Variants in MTFMT observed in about 807,000 individuals in gnomAD.
MTFMT encodes the protein methionyl-tRNA formyltransferase, mitochondrial.
MTFMT carries 47 observed loss-of-function variants against 51.8 expected under a neutral mutation model. That is an observed-to-expected ratio of 0.91 (90% CI 0.72 to 1.16). MTFMT has a LOEUF of 1.16. Ranked by LOEUF, MTFMT falls within the 50% of genes most tolerant of loss-of-function variation. The pLI, the probability that MTFMT is intolerant of heterozygous loss-of-function variation, is 0.00. For missense variants in MTFMT, 512 were observed against 482.3 expected, an observed-to-expected ratio of 1.06 and a Z score of -0.58; for synonymous variants, 196 against 176.7, an observed-to-expected ratio of 1.11 and a Z score of -0.87.
chr15:65,028,174 C>G (rs563391276), intron 1 of MTFMT, among the ~76,000 whole-genome samples: 83 of 152,226 alleles, frequency 5.5e-4, no homozygotes, highest in Non-Finnish European at 1.1e-3. Flanking sequence ...AATCTCAGCA[C>G]TTTGGGAGGC....
chr15:65,029,385 C>T lies in MTFMT; in HGVS notation c.209+20G>A. The T allele has an allele frequency of 6.9e-7, 1 of 1,455,264 alleles. No individual in the cohort carries two copies. The highest frequency in any genetic ancestry group is 9.1e-7 in the Non-Finnish European group (1 of 1,103,384). 90.1% of individuals were successfully genotyped at this position (1,455,264 alleles called of 1,614,324 possible). A position where few individuals can be genotyped will look rare whatever the true frequency, so the allele number is the denominator to read the frequency against. On this transcript the variant is annotated intron_variant, in intron 1 of 8. Transcript: ENST00000220058. ...TGGAGGCCTTCAGCGGCCGGGTCCC[C>T]GGATCCCTGGCCCGGGTACCTGGCG... is the stretch of plus-strand genomic sequence containing the variant.
chr15:65,020,046 A>G (rs994014512), intron 5 of MTFMT, 151 bp downstream of exon 5: 2 of 651,214 alleles, frequency 3.1e-6, no homozygotes, highest in Admixed American at 6.6e-5. Context: ...AGGGAGAAAG[A>G]ATGCTTTCTA....
rs1216162953 is a variant in MTFMT at position 65,029,620 on chromosome 15, G to C, written c.-7C>G. The C allele has an allele frequency of 5.8e-6, 8 of 1,378,376 alleles. No homozygotes were observed. Among genetic ancestry groups the C allele is most frequent in the African/African-American group, 1.5e-5 (1 of 66,226 alleles). The allele number at this position is 1,378,376 out of a possible 1,614,324, so 85.4% of individuals were successfully genotyped here. A position where few individuals can be genotyped will look rare whatever the true frequency, so the allele number is the denominator to read the frequency against. ...GCCGCACCAACACCCTCATCGCCTCGGCCGCCGGCGGCCGGCCCTGCGCAG... is the reference window on the plus strand; with the variant it reads ...GCCGCACCAACACCCTCATCGCCTCCGCCGCCGGCGGCCGGCCCTGCGCAG... On this transcript the variant is annotated 5_prime_UTR_variant, in exon 1 of 9. Coordinates refer to ENST00000220058, the MANE Select transcript of MTFMT (RefSeq NM_139242.4).
chr15:65,004,974 A>C, intron 7 of MTFMT, 38 bp from the exon 8 acceptor site: 1 of 1,454,180 alleles, frequency 6.9e-7, no homozygotes, highest in Non-Finnish European at 9.6e-7. Flanking sequence ...ACAAGAGAAA[A>C]AAGCAATTAT....
At chr15:65,025,230 TAAAA>T (rs776662139) in intron 2 of MTFMT, among the ~76,000 whole-genome samples, 7 of 92,498 alleles carry the variant, frequency 7.6e-5, no homozygotes, top group South Asian at 7.4e-4. Flanking sequence ...TCCCTGTCTC[TAAAA>T]AAAAAAAAAA....
At chr15:65,024,713 C>T (rs2086407199) in intron 2 of MTFMT, among the ~76,000 whole-genome samples, 1 of 151,924 alleles carries the variant, frequency 6.6e-6, no homozygotes. Flanking sequence ...ATCCTGCCCT[C>T]AGAGAGTTTA....
Position 65,005,213 on chromosome 15 carries a change from G to A in MTFMT, c.893-277C>T, listed in dbSNP as rs1444431315. Among the ~76,000 whole-genome samples, 3 of 152,158 alleles carry A rather than the reference G, an allele frequency of 2.0e-5. No homozygotes were observed. In the South Asian group the frequency reaches 6.2e-4, roughly 32 times the overall value. On this transcript the variant is annotated intron_variant, in intron 7 of 8. Transcript: ENST00000220058. ...CTGAATCTACAAGTTTTGTGTTAGC[G>A]CTTTGGTGAAATAACTAGCCAACAG...
rs1281539901 is a variant in MTFMT at position 65,023,902 on chromosome 15, G to A, written c.420-108C>T. The A allele has an allele frequency of 3.0e-6, 3 of 1,015,276 alleles. No individual in the cohort carries two copies. The South Asian group carries it at 7.0e-5, about 24-fold the overall frequency. The allele number at this position is 1,015,276 out of a possible 1,614,324, so 62.9% of individuals were successfully genotyped here. A position where few individuals can be genotyped will look rare whatever the true frequency, so the allele number is the denominator to read the frequency against. ...ATTAGGAAACTTTCCCAGAAATTTG[G>A]AAAAACTGACAGTTAAATCTAAGTC... On this transcript the variant is annotated intron_variant, in intron 2 of 8. Transcript: ENST00000220058.
At chr15:65,012,675 C>T (rs989724530) in intron 6 of MTFMT, among the ~76,000 whole-genome samples, 1 of 152,318 alleles carries the variant, frequency 6.6e-6, no homozygotes, top group East Asian at 1.9e-4. Context: ...GCTGGGACTA[C>T]AGGCATAAGC....
chr15:65,026,965 T>G lies in MTFMT; in HGVS notation c.285A>C (p.Pro95=), dbSNP rs1379076328. 1.2e-6 allele frequency: 2 copies of G among 1,614,020 alleles called. No individual in the cohort carries two copies. The highest frequency in any genetic ancestry group is 1.7e-6 in the Non-Finnish European group (2 of 1,179,882). Residue 95 remains proline (P), a synonymous_variant, in exon 2 of 9, where the codon CCA becomes CCC. Transcript: ENST00000220058. ...GAGACTGCACAGCATATTGCTTCAC[T>G]GGCAGTCCTTTTGGTGATGGGGAAG... ...TMPSPSPKGL[P]VKQYAVQSQL...
At chr15:65,014,246 G>A (rs187401103) in intron 6 of MTFMT, among the ~76,000 whole-genome samples, 81 of 151,562 alleles carry the variant, frequency 5.3e-4, no homozygotes, top group Non-Finnish European at 9.7e-4. Flanking sequence ...CCCCATCACC[G>A]ATCTAAAATA....
chr15:65,028,385 A>C (rs754937247), intron 1 of MTFMT, among the ~76,000 whole-genome samples: 1 of 152,220 alleles, frequency 6.6e-6, no homozygotes, highest in Non-Finnish European at 1.5e-5. Context: ...ACTGCACTCC[A>C]GCCTGGGGGA....
chr15:65,002,855 C>A lies in MTFMT; in HGVS notation c.*207G>T. The stretch of plus-strand genomic sequence containing the variant: ...GCGTGTGCCTGTAATCCCAGCTACT[C>A]AGGAGGCTGAGGCAGGAGAATTGCT... On this transcript the variant is annotated 3_prime_UTR_variant, in exon 9 of 9. Coordinates refer to ENST00000220058, the MANE Select transcript of MTFMT (RefSeq NM_139242.4). The A allele has an allele frequency of 3.2e-6, 1 of 307,730 alleles. No individual in the cohort carries two copies. The highest frequency in any genetic ancestry group is 6.9e-5 in the South Asian group (1 of 14,552). 19.1% of individuals were successfully genotyped at this position (307,730 alleles called of 1,614,324 possible).
At chr15:65,017,024 C>A in intron 5 of MTFMT, among the ~76,000 whole-genome samples, 1 of 150,988 alleles carries the variant, frequency 6.6e-6, no homozygotes. Context: ...TTAAGTGATC[C>A]ACCCGCCTCA....
intron 2 of MTFMT, 65 bp downstream of exon 2, chr15:65,026,766 A>G (rs949688282): frequency 3.8e-5 from 46 of 1,217,404 alleles, no homozygotes; most frequent in Non-Finnish European, 4.8e-5. Flanking sequence ...ATCACATTTT[A>G]TATACAAGGT....
intron 8 of MTFMT, among the ~76,000 whole-genome samples, chr15:65,004,413 T>C (rs72744625): frequency 0.017 from 2,529 of 152,322 alleles, 29 homozygotes; most frequent in Admixed American, 0.024. Context: ...GAACACACCA[T>C]GATCTTATAA....
intron 6 of MTFMT, among the ~76,000 whole-genome samples, chr15:65,010,954 T>C (rs1385189792): frequency 6.6e-6 from 1 of 152,174 alleles, no homozygotes; most frequent in Non-Finnish European, 1.5e-5. Context: ...GATTTGCATA[T>C]CCCTAAAGAC....
At chr15:65,025,312 G>C (rs2086413121) in intron 2 of MTFMT, among the ~76,000 whole-genome samples, 1 of 151,768 alleles carries the variant, frequency 6.6e-6, no homozygotes, top group Non-Finnish European at 1.5e-5. Context: ...GGCTGAGGCA[G>C]GAAGATCCCT....
intron 6 of MTFMT, among the ~76,000 whole-genome samples, chr15:65,014,577 C>T (rs1252379546): frequency 2.0e-5 from 3 of 151,330 alleles, no homozygotes; most frequent in African/African-American, 4.9e-5. Context: ...CCGCCCGCCT[C>T]GGCCTCCCAA....
Sources: gnomAD v4.1 joint callset for allele counts (sites outside exome capture counted in the v4.1 genomes callset) on GRCh38, gnomAD v4.1.1 for gene constraint, MANE v1.5 for transcripts, NCBI Gene and HGNC (gene_info 2026-07-23, HGNC 2026-07-21) for gene names.